The following MROH1 variants were observed in gnomAD, a reference collection of about 807,000 sequenced individuals.
The protein encoded by MROH1 is maestro heat-like repeat-containing protein family member 1.
MROH1 carries 117 observed loss-of-function variants against 116.5 expected under a neutral mutation model. The ratio of observed to expected loss-of-function variants is 1.00; its 90% CI spans 0.86 to 1.17. The LOEUF (loss-of-function observed/expected upper bound fraction) is 1.17. Ranked by LOEUF, MROH1 falls within the 50% of genes most tolerant of loss-of-function variation. The pLI is 0.00. For missense variants in MROH1, 1,873 were observed against 1,338.5 expected, an observed-to-expected ratio of 1.40 and a Z score of -6.23; for synonymous variants, 921 against 583.9, an observed-to-expected ratio of 1.58 and a Z score of -8.32.
chr8:144,238,389 G>A (rs957939950), intron 14 of MROH1, among the ~76,000 whole-genome samples: 4 of 152,194 alleles, frequency 2.6e-5, no homozygotes, highest in Admixed American at 1.3e-4. Flanking sequence ...CCAGCCCACC[G>A]TGGCTGCCGA....
intron 41 of MROH1, 35 bp from the exon 42 acceptor site, chr8:144,261,079 C>CGGGGGGGGGGGGGGGGGGGGGGGG: frequency 1.8e-6 from 1 of 562,816 alleles, no homozygotes; most frequent in Non-Finnish European, 3.5e-6. Flanking sequence ...GTGGGTGGGG[C>CGGGGGGGGGGGGGGGGGGGGGGGG]GGGGCCAGGC....
At chr8:144,160,828 A>G (rs1401402906) in intron 1 of MROH1, 142 bp from the exon 2 acceptor site, 1 of 152,532 alleles carries the variant, frequency 6.6e-6, no homozygotes, top group Non-Finnish European at 1.5e-5. Flanking sequence ...TTATTACCAT[A>G]AAGTTTTTGG....
At position 144,259,984 on chromosome 8, in the gene MROH1, A is replaced by G; in HGVS notation, c.4118A>G (p.Lys1373Arg). Residue 1373 changes from lysine (K) to arginine (R), a missense_variant, in exon 38 of 44, where the codon AAG becomes AGG. Coordinates refer to ENST00000326134, the MANE Select transcript of MROH1 (RefSeq NM_032450.3). ...SLLESLAARQKDTCASVRRLV... is the reference protein window; with the variant it reads ...SLLESLAARQRDTCASVRRLV... ...CTGGAGAGCCTGGCGGCTCGCCAGA[A>G]GGACACATGCGCCAGCGTGCGGAGG... 1.4e-6 allele frequency: 1 copy of G among 739,410 alleles called. No homozygotes were observed. The highest frequency in any genetic ancestry group is 1.9e-5 in the Admixed American group (1 of 53,530). 45.8% of individuals were successfully genotyped at this position (739,410 alleles called of 1,614,324 possible).
chr8:144,202,102 G>C (rs952066529), intron 12 of MROH1, among the ~76,000 whole-genome samples: 8 of 152,230 alleles, frequency 5.3e-5, no homozygotes, highest in African/African-American at 1.9e-4. Flanking sequence ...ACCAGGTTAA[G>C]AGTCAGGTGT....
chr8:144,231,726 G>C (rs1200718637), intron 14 of MROH1, among the ~76,000 whole-genome samples: 1 of 152,296 alleles, frequency 6.6e-6, no homozygotes, highest in East Asian at 1.9e-4. Flanking sequence ...AGCAAAATGT[G>C]ACACAGAGAC....
Position 144,223,236 on chromosome 8 carries a change from G to A in MROH1, c.1338+6G>A. ...CGCTGCCCCCCGAGCAGGAGGTAAG[G>A]GGCTGCCACCTTGCCTGCCTCCTAG... On this transcript the variant is annotated splice_donor_region_variant and intron_variant, in intron 14 of 43. Transcript: ENST00000326134. 1 of 1,594,934 alleles carries A rather than the reference G, an allele frequency of 6.3e-7. No homozygotes were observed.
chr8:144,221,098 G>A (rs1009628455), intron 13 of MROH1, among the ~76,000 whole-genome samples: 5 of 152,206 alleles, frequency 3.3e-5, no homozygotes, highest in African/African-American at 1.2e-4. Flanking sequence ...GTCGCGGACA[G>A]TGTTAGACCC....
intron 33 of MROH1, chr8:144,251,409 G>A (rs1842826533): frequency 6.6e-6 from 1 of 152,170 alleles, no homozygotes; most frequent in Non-Finnish European, 1.5e-5. Flanking sequence ...TACACATTTT[G>A]TTTTTTAAAA....
intron 33 of MROH1, among the ~76,000 whole-genome samples, chr8:144,253,004 A>G: frequency 6.8e-6 from 1 of 146,974 alleles, no homozygotes; most frequent in East Asian, 2.0e-4. Context: ...ATATATATGA[A>G]TTAGCTAGGC....
intron 7 of MROH1, among the ~76,000 whole-genome samples, chr8:144,187,245 C>G (rs1013847267): frequency 2.6e-5 from 4 of 151,826 alleles, no homozygotes; most frequent in Non-Finnish European, 5.9e-5. Flanking sequence ...ACCTCTGTTT[C>G]TAAAAAAATA....
At chr8:144,245,088 G>C (rs1050839942) in intron 28 of MROH1, 68 bp from the exon 29 acceptor site, 1 of 776,902 alleles carries the variant, frequency 1.3e-6, no homozygotes, top group Admixed American at 1.7e-5. Context: ...GCTGGCCCAC[G>C]ATGCACAAGG....
intron 24 of MROH1, 139 bp downstream of exon 24, chr8:144,242,767 G>A (rs902026953): frequency 3.8e-5 from 26 of 675,514 alleles, no homozygotes; most frequent in African/African-American, 1.1e-4. Context: ...CCCAGGAGGC[G>A]TTCGAGAGCA....
chr8:144,151,112 G>T (rs1392802049), intron 1 of MROH1, among the ~76,000 whole-genome samples: 1 of 151,888 alleles, frequency 6.6e-6, no homozygotes, highest in Non-Finnish European at 1.5e-5. Context: ...GTCGAGTGTG[G>T]CGGTGGGCGC....
At chr8:144,196,028 C>T (rs555504844) in intron 10 of MROH1, among the ~76,000 whole-genome samples, 5 of 152,154 alleles carry the variant, frequency 3.3e-5, no homozygotes, top group African/African-American at 4.8e-5. Context: ...CAGTGGCTCA[C>T]GCCTGTAATC....
chr8:144,224,968 G>A (rs1455645359), intron 14 of MROH1, among the ~76,000 whole-genome samples: 1 of 151,956 alleles, frequency 6.6e-6, no homozygotes, highest in Non-Finnish European at 1.5e-5. Context: ...ATTAGAATTA[G>A]TTATTATTTT....
chr8:144,222,390 C>G (rs868025706), intron 13 of MROH1, among the ~76,000 whole-genome samples: 19 of 152,120 alleles, frequency 1.2e-4, no homozygotes, highest in African/African-American at 4.3e-4. Context: ...GAGAAGAATC[C>G]TTCCCTACGG....
Position 144,220,651 on chromosome 8 carries a change from C to T in MROH1, c.1193C>T (p.Pro398Leu). 6.3e-7 allele frequency: 1 copy of T among 1,576,898 alleles called. No homozygotes were observed. ...KPFILSSMRL[P>L]LLDTNSKVKR... ...TTTATCCTGTCTTCCATGAGGCTTCCTCTCCTGGACACCAACAGCAAGGTA... is the reference window on the plus strand; with the variant it reads ...TTTATCCTGTCTTCCATGAGGCTTCTTCTCCTGGACACCAACAGCAAGGTA... Residue 398 changes from proline to leucine, a missense_variant, in exon 13 of 44, where the codon CCT becomes CTT. Pro to Leu is a moderately conservative substitution (Grantham distance 98). Coordinates refer to ENST00000326134, the MANE Select transcript of MROH1 (RefSeq NM_032450.3).
chr8:144,218,704 C>G (rs1297930489), intron 12 of MROH1, among the ~76,000 whole-genome samples: 1 of 65,462 alleles, frequency 1.5e-5, no homozygotes, highest in Non-Finnish European at 3.2e-5. Flanking sequence ...CCTCCCCTCT[C>G]CCCTCCTGTC....
At chr8:144,212,842 C>T (rs867000455) in intron 12 of MROH1, among the ~76,000 whole-genome samples, 45 of 152,076 alleles carry the variant, frequency 3.0e-4, no homozygotes, top group African/African-American at 1.1e-3. Flanking sequence ...CCACCTGCCC[C>T]GGCCTCCCAA....
Sources: gnomAD v4.1 joint callset for allele counts (sites outside exome capture counted in the v4.1 genomes callset) on GRCh38, gnomAD v4.1.1 for gene constraint, MANE v1.5 for transcripts, NCBI Gene and HGNC (gene_info 2026-07-23, HGNC 2026-07-21) for gene names.